The following RNF2 variants were observed in gnomAD, a reference collection of about 807,000 sequenced individuals.
RNF2 encodes E3 ubiquitin-protein ligase RING2.
Under a neutral mutation model 37.2 loss-of-function variants are expected in RNF2, and 6 were observed. The ratio of observed to expected loss-of-function variants is 0.16; its 90% CI spans 0.09 to 0.32. RNF2 has a LOEUF of 0.32. Ranked by LOEUF, RNF2 falls within the 10% of genes least tolerant of loss-of-function variation. RNF2 has a pLI of 1.00. For synonymous variants in RNF2, 133 were observed against 132.7 expected, an observed-to-expected ratio of 1.00 and a Z score of -0.02; for missense variants, 251 against 404.0, an observed-to-expected ratio of 0.62 and a Z score of 3.25.
At chr1:185,093,404 G>C in intron 4 of RNF2, 128 bp downstream of exon 4, 1 of 754,972 alleles carries the variant, frequency 1.3e-6, no homozygotes, top group Non-Finnish European at 2.2e-6. Context: ...CTTTCGTGCA[G>C]GTATAATACA....
Position 185,102,114 on chromosome 1 carries a change from C to T in RNF2, c.*1813C>T, listed in dbSNP as rs763357211. 6.6e-6 allele frequency: 1 copy of T among 152,286 alleles called. No homozygotes were observed. The highest frequency in any genetic ancestry group is 1.5e-5 in the Non-Finnish European group (1 of 67,962). 9.4% of individuals were successfully genotyped at this position (152,286 alleles called of 1,614,324 possible). On this transcript the variant is annotated 3_prime_UTR_variant, in exon 7 of 7. Coordinates refer to ENST00000367510, the MANE Select transcript of RNF2 (RefSeq NM_007212.4). ...GTTATTTGTGACTATAAGCTTTGTG[C>T]TTAGAGAATGTATGTGTTTTTATCT...
intron 1 of RNF2, among the ~76,000 whole-genome samples, chr1:185,086,930 T>C (rs1003077202): frequency 6.6e-6 from 1 of 152,194 alleles, no homozygotes; most frequent in Non-Finnish European, 1.5e-5. Flanking sequence ...CAATCTTGTA[T>C]ACATTCAGCA....
At chr1:185,076,255 T>C (rs1651148843) in intron 1 of RNF2, among the ~76,000 whole-genome samples, 1 of 145,122 alleles carries the variant, frequency 6.9e-6, no homozygotes, top group Non-Finnish European at 1.5e-5. Flanking sequence ...TTCTTCTAGA[T>C]CTTTTATGGG....
intron 1 of RNF2, among the ~76,000 whole-genome samples, chr1:185,065,017 G>A (rs1650757988): frequency 6.6e-6 from 1 of 152,172 alleles, no homozygotes; most frequent in Admixed American, 6.5e-5. Flanking sequence ...CATGTTGAGA[G>A]ATGAAGCCAG....
chr1:185,099,925 A>T lies in RNF2; in HGVS notation c.872A>T (p.Tyr291Phe). ...CTTGATACAGCCAGTGAGAAGCAGT[A>T]TACCATTTATATAGCAACAGCCAGT... is the stretch of plus-strand genomic sequence containing the variant. The part of the protein sequence containing the change: ...MNLDTASEKQ[Y>F]TIYIATASGQ... The change falls in exon 6 of 7, where the codon TAT (tyrosine) becomes TTT (phenylalanine). Residue 291 changes from tyrosine (Y) to phenylalanine (F), a missense_variant. Tyr to Phe is a conservative substitution (Grantham distance 22). Around this residue, in one of 7 missense-constraint regions of RNF2, gnomAD observed 59 missense variants for 69.1 expected, o/e 0.85. Transcript: ENST00000367510. 1.2e-6 allele frequency: 2 copies of T among 1,613,412 alleles called. No individual in the cohort carries two copies. Among genetic ancestry groups the T allele is most frequent in the Non-Finnish European group, 1.7e-6 (2 of 1,179,382 alleles).
intron 1 of RNF2, among the ~76,000 whole-genome samples, chr1:185,073,156 C>G (rs1276438996): frequency 1.3e-5 from 2 of 150,792 alleles, no homozygotes; most frequent in Non-Finnish European, 2.9e-5. Flanking sequence ...TGGACATTTC[C>G]TAATTAGCCA....
intron 1 of RNF2, among the ~76,000 whole-genome samples, chr1:185,057,033 G>A (rs1262940745): frequency 6.6e-6 from 1 of 152,090 alleles, no homozygotes; most frequent in Non-Finnish European, 1.5e-5. Context: ...CCTGGGCTGG[G>A]TGCGGTGGCT....
At chr1:185,047,495 CTGAT>C (rs1650153386) in intron 1 of RNF2, among the ~76,000 whole-genome samples, 1 of 152,158 alleles carries the variant, frequency 6.6e-6, no homozygotes, top group Non-Finnish European at 1.5e-5. Flanking sequence ...TGTCTCTAAT[CTGAT>C]TTATTCATGA....
At chr1:185,088,910 T>C (rs912957434) in intron 2 of RNF2, among the ~76,000 whole-genome samples, 1 of 152,120 alleles carries the variant, frequency 6.6e-6, no homozygotes, top group Non-Finnish European at 1.5e-5. Flanking sequence ...TTCATCCATG[T>C]GCTAATAAGT....
chr1:185,061,458 A>C (rs1650602847), intron 1 of RNF2, among the ~76,000 whole-genome samples: 1 of 151,858 alleles, frequency 6.6e-6, no homozygotes, highest in South Asian at 2.1e-4. Flanking sequence ...AGATCACAAA[A>C]CCCCGAATGT....
chr1:185,073,272 C>G (rs2102175415), intron 1 of RNF2, among the ~76,000 whole-genome samples: 1 of 151,900 alleles, frequency 6.6e-6, no homozygotes, highest in East Asian at 1.9e-4. Flanking sequence ...AGAATTTGTG[C>G]TGGGTAAATT....
intron 4 of RNF2, among the ~76,000 whole-genome samples, chr1:185,097,560 G>A (rs1174993230): frequency 2.0e-5 from 3 of 152,190 alleles, no homozygotes; most frequent in Non-Finnish European, 4.4e-5. Context: ...TTAAGAGATA[G>A]CGTCTTACTC....
At chr1:185,073,469 TAG>T (rs1234508256) in intron 1 of RNF2, among the ~76,000 whole-genome samples, 1 of 152,228 alleles carries the variant, frequency 6.6e-6, no homozygotes, top group Non-Finnish European at 1.5e-5. Flanking sequence ...TAGCAATTTT[TAG>T]AGAGTATTCC....
chr1:185,058,203 A>G (rs1650491529), intron 1 of RNF2, among the ~76,000 whole-genome samples: 1 of 152,242 alleles, frequency 6.6e-6, no homozygotes, highest in East Asian at 1.9e-4. Context: ...ATTAGGTAGT[A>G]TAGGTAATCT....
chr1:185,049,092 G>GGC (rs1425859189), intron 1 of RNF2, among the ~76,000 whole-genome samples: 1 of 152,104 alleles, frequency 6.6e-6, no homozygotes, highest in Non-Finnish European at 1.5e-5. Flanking sequence ...CAGGCATAGT[G>GGC]GCGCGCGCCT....
chr1:185,064,242 A>G (rs974332727), intron 1 of RNF2, among the ~76,000 whole-genome samples: 1 of 152,208 alleles, frequency 6.6e-6, no homozygotes, highest in Non-Finnish European at 1.5e-5. Flanking sequence ...ACAATCTTCA[A>G]TTTCTACTTT....
chr1:185,099,275 T>G (rs1452166880), intron 5 of RNF2, among the ~76,000 whole-genome samples: 1 of 152,126 alleles, frequency 6.6e-6, no homozygotes, highest in African/African-American at 2.4e-5. Context: ...CTCGAACTCC[T>G]GACCTCAAGT....
At chr1:185,090,810 T>C (rs925328970) in intron 2 of RNF2, among the ~76,000 whole-genome samples, 2 of 152,174 alleles carry the variant, frequency 1.3e-5, no homozygotes, top group South Asian at 4.1e-4. Flanking sequence ...GTGAACCAAG[T>C]AGGATTCACT....
intron 1 of RNF2, among the ~76,000 whole-genome samples, chr1:185,052,701 T>C (rs1032803528): frequency 9.2e-5 from 14 of 152,178 alleles, no homozygotes; most frequent in African/African-American, 3.4e-4. Flanking sequence ...CCCCAGTAAG[T>C]TTTTTTAAAA....
Sources: gnomAD v4.1 joint callset for allele counts (sites outside exome capture counted in the v4.1 genomes callset) on GRCh38, gnomAD v4.1.1 for gene constraint, gnomAD v4.1.1 regional missense constraint, MANE v1.5 for transcripts, NCBI Gene and HGNC (gene_info 2026-07-23, HGNC 2026-07-21) for gene names.